Variants in NEGR1 observed in about 807,000 individuals in gnomAD.
NEGR1 encodes the protein IgLON family member 4.
A neutral mutation model predicts 40.9 loss-of-function variants in NEGR1; 10 were observed. The observed-to-expected ratio is 0.24, with a 90% CI of 0.15 to 0.42. The LOEUF is 0.42. Ranked by LOEUF, NEGR1 falls within the 10% of genes least tolerant of loss-of-function variation. The pLI, the probability that NEGR1 is intolerant of heterozygous loss-of-function variation, is 1.00. For missense variants in NEGR1, 352 were observed against 438.9 expected (o/e 0.80, Z 1.77); for synonymous variants, 185 against 166.8 (o/e 1.11, Z -0.84).
chr1:72,263,044 G>A (rs918203320), intron 1 of NEGR1, among the ~76,000 whole-genome samples: 2 of 151,584 alleles, frequency 1.3e-5, no homozygotes, highest in African/African-American at 4.8e-5. Context: ...TCTTCAAAGA[G>A]GAATGACTAT....
intron 2 of NEGR1, among the ~76,000 whole-genome samples, chr1:71,786,325 C>T (rs542612226): frequency 6.6e-6 from 1 of 151,912 alleles, no homozygotes; most frequent in African/African-American, 2.4e-5. Context: ...TCCATATGAT[C>T]CAATAAGCTC....
chr1:71,417,668 C>T (rs1646365208), intron 6 of NEGR1, among the ~76,000 whole-genome samples: 1 of 152,166 alleles, frequency 6.6e-6, no homozygotes. Flanking sequence ...GCTTAGCACC[C>T]TGGCACCTCA....
intron 1 of NEGR1, among the ~76,000 whole-genome samples, chr1:72,216,585 G>T (rs915187919): frequency 6.6e-6 from 1 of 150,606 alleles, no homozygotes; most frequent in African/African-American, 2.4e-5. Flanking sequence ...GGCCAATTAG[G>T]ATTTACCACA....
intron 1 of NEGR1, among the ~76,000 whole-genome samples, chr1:72,144,999 AC>A (rs1285757495): frequency 4.6e-5 from 7 of 152,142 alleles, no homozygotes; most frequent in African/African-American, 1.7e-4. Flanking sequence ...TGCAACAGAA[AC>A]CCTTGTTAAA....
intron 1 of NEGR1, among the ~76,000 whole-genome samples, chr1:72,259,485 A>AT (rs1480344455): frequency 1.3e-5 from 2 of 152,026 alleles, no homozygotes; most frequent in African/African-American, 2.4e-5. Flanking sequence ...CTGAAGAAAT[A>AT]TTTTTTTGGT....
intron 1 of NEGR1, among the ~76,000 whole-genome samples, chr1:72,077,682 G>A (rs144715819): frequency 0.011 from 1,688 of 151,792 alleles, 34 homozygotes; most frequent in African/African-American, 0.038. Context: ...GTGCAGTGGC[G>A]CATGCCTGTA....
intron 6 of NEGR1, among the ~76,000 whole-genome samples, chr1:71,536,604 A>G (rs1647524467): frequency 1.3e-5 from 2 of 151,752 alleles, no homozygotes; most frequent in Admixed American, 1.3e-4. Context: ...TTACAGCAAC[A>G]TAAATGGACT....
intron 1 of NEGR1, among the ~76,000 whole-genome samples, chr1:72,049,140 C>A (rs1647032698): frequency 6.6e-6 from 1 of 151,300 alleles, no homozygotes; most frequent in Admixed American, 6.6e-5. Flanking sequence ...GCCTAGGCAA[C>A]ACAGCAAGAC....
At chr1:71,590,132 C>A (rs114251324) in intron 6 of NEGR1, among the ~76,000 whole-genome samples, 2,049 of 152,170 alleles carry the variant, frequency 0.013, 62 homozygotes, top group African/African-American at 0.047. Flanking sequence ...AGGGGCATCT[C>A]CTTTATATTT....
At chr1:71,768,501 T>C (rs1656207820) in intron 3 of NEGR1, among the ~76,000 whole-genome samples, 1 of 152,224 alleles carries the variant, frequency 6.6e-6, no homozygotes, top group African/African-American at 2.4e-5. Flanking sequence ...GCAATGCCTA[T>C]ACCCCATTGT....
intron 2 of NEGR1, among the ~76,000 whole-genome samples, chr1:71,809,095 C>CG (rs201398611): frequency 8.5e-4 from 130 of 152,054 alleles, no homozygotes; most frequent in African/African-American, 2.8e-3. Context: ...AAAAGCAGCA[C>CG]GGGGGGGCAC....
At chr1:71,768,400 A>G (rs1656203828) in intron 3 of NEGR1, among the ~76,000 whole-genome samples, 1 of 152,160 alleles carries the variant, frequency 6.6e-6, no homozygotes, top group South Asian at 2.1e-4. Flanking sequence ...TAATGACTGC[A>G]GTGCTGGGTT....
At chr1:71,882,421 T>G (rs1315981567) in intron 2 of NEGR1, among the ~76,000 whole-genome samples, 1 of 152,088 alleles carries the variant, frequency 6.6e-6, no homozygotes, top group Non-Finnish European at 1.5e-5. Flanking sequence ...TAATGGGAAC[T>G]GCCCACGTGG....
At chr1:71,626,148 A>G (rs1650766983) in intron 4 of NEGR1, among the ~76,000 whole-genome samples, 1 of 151,972 alleles carries the variant, frequency 6.6e-6, no homozygotes, top group Admixed American at 6.6e-5. Flanking sequence ...CTCTGGTACC[A>G]AGAGGTTTGG....
Position 71,588,011 on chromosome 1 carries a change from T to C in NEGR1, c.940+4806A>G, listed in dbSNP as rs182433216. 4.3e-3 allele frequency among the ~76,000 whole-genome samples: 653 copies of C among 152,272 alleles called. 3 individuals are homozygous for C. The highest frequency in any genetic ancestry group is 6.4e-3 in the Non-Finnish European group (435 of 68,014). On this transcript the variant is annotated intron_variant, in intron 6 of 6. Transcript: ENST00000357731. ...TAGATGGCAAGTCTTTGAATACGTGTCTTATAATAAATATTTGTACTTTTG... is the reference window on the plus strand; with the variant it reads ...TAGATGGCAAGTCTTTGAATACGTGCCTTATAATAAATATTTGTACTTTTG...
intron 6 of NEGR1, among the ~76,000 whole-genome samples, chr1:71,502,539 T>C (rs1186715968): frequency 6.6e-6 from 1 of 152,154 alleles, no homozygotes; most frequent in African/African-American, 2.4e-5. Context: ...AATCTGGGGT[T>C]TTGTCCAGGA....
intron 1 of NEGR1, among the ~76,000 whole-genome samples, chr1:72,151,759 C>T (rs1259832546): frequency 6.6e-6 from 1 of 151,652 alleles, no homozygotes; most frequent in African/African-American, 2.4e-5. Context: ...AGACAAAAAT[C>T]AAGCAAATCA....
chr1:72,250,001 G>A (rs1655031286), intron 1 of NEGR1, among the ~76,000 whole-genome samples: 1 of 152,112 alleles, frequency 6.6e-6, no homozygotes, highest in Admixed American at 6.5e-5. Flanking sequence ...TGGCTAGGCA[G>A]TCTAGATTTT....
chr1:71,955,349 A>C (rs17091983), intron 1 of NEGR1, among the ~76,000 whole-genome samples: 3,498 of 152,202 alleles, frequency 0.023, 125 homozygotes, highest in African/African-American at 0.079. Flanking sequence ...AATTCTATTA[A>C]GTGGTAGTGG....
Sources: allele counts gnomAD v4.1 joint callset (sites outside exome capture counted in the v4.1 genomes callset), GRCh38; gene constraint gnomAD v4.1.1; transcripts MANE v1.5; gene names NCBI Gene and HGNC (gene_info 2026-07-23, HGNC 2026-07-21).